Variants in SNUPN observed in about 807,000 individuals in gnomAD.
SNUPN encodes snurportin 1, also known as snurportin-1.
In SNUPN, 31 loss-of-function variants were observed where a neutral mutation model predicts 39.2. That is an observed-to-expected ratio of 0.79 (90% CI 0.59 to 1.07). The LOEUF is 1.07. Among genes scored for constraint, SNUPN ranks in the 50% least tolerant of loss-of-function variants. The probability of loss-of-function intolerance (pLI) is 0.00; values close to 1 mark genes in which losing one functional copy is unlikely to be tolerated. For synonymous variants in SNUPN, 132 were observed against 159.0 expected (o/e 0.83, Z 1.28); for missense variants, 382 against 434.2 (o/e 0.88, Z 1.07).
intron 4 of SNUPN, 87 bp downstream of exon 4, chr15:75,609,803 G>C (rs547770526): frequency 2.4e-6 from 3 of 1,226,200 alleles, no homozygotes; most frequent in Non-Finnish European, 3.6e-6. Flanking sequence ...AGGCACAGCT[G>C]TTGTGGCGTA....
intron 7 of SNUPN, among the ~76,000 whole-genome samples, chr15:75,602,877 G>T (rs1231896745): frequency 2.6e-5 from 4 of 151,974 alleles, no homozygotes; most frequent in Non-Finnish European, 4.4e-5. Context: ...AAAGTGATGG[G>T]ATTATAGGCA....
intron 6 of SNUPN, 109 bp from the exon 7 acceptor site, chr15:75,605,336 T>C (rs912205321): frequency 1.6e-6 from 1 of 636,882 alleles, no homozygotes; most frequent in Non-Finnish European, 2.6e-6. Flanking sequence ...AGATGGAGTG[T>C]TGCTCTGTCA....
intron 2 of SNUPN, among the ~76,000 whole-genome samples, chr15:75,620,284 G>A (rs572806247): frequency 6.6e-6 from 1 of 152,256 alleles, no homozygotes; most frequent in East Asian, 1.9e-4. Context: ...CTTAATTTAT[G>A]ACCCAGAAGA....
intron 7 of SNUPN, among the ~76,000 whole-genome samples, chr15:75,601,756 C>T (rs1199258156): frequency 6.6e-6 from 1 of 151,812 alleles, no homozygotes; most frequent in Non-Finnish European, 1.5e-5. Flanking sequence ...AAAAACCAAA[C>T]CAAACCAAAC....
At chr15:75,619,022 TAA>T (rs35749195) in intron 2 of SNUPN, among the ~76,000 whole-genome samples, 2,557 of 74,266 alleles carry the variant, frequency 0.034, 117 homozygotes, top group African/African-American at 0.054. Flanking sequence ...CTACTTGTGT[TAA>T]AAAAAAAAAA....
intron 5 of SNUPN, among the ~76,000 whole-genome samples, chr15:75,609,194 TTTTTTTG>T (rs1397060889): frequency 7.1e-6 from 1 of 141,034 alleles, no homozygotes; most frequent in Non-Finnish European, 1.6e-5. Flanking sequence ...TTTTTTTTTT[TTTTTTTG>T]AGACGGAGTC....
In SNUPN at chr15:75,607,298, T is replaced by C; in HGVS notation, c.518A>G (p.Asp173Gly). 6.2e-7 allele frequency: 1 copy of C among 1,612,222 alleles called. No individual in the cohort carries two copies. The highest frequency in any genetic ancestry group is 1.1e-5 in the South Asian group (1 of 91,042). The part of the protein sequence containing the change: ...NSTAKDYTIL[D>G]CIYNEVNQTY... Reference sequence around the variant, plus strand: ...CTGGTTTACCTCATTGTAAATGCAATCTAGAATGGTGTAGTCTGAGGACAC... The same window carrying C: ...CTGGTTTACCTCATTGTAAATGCAACCTAGAATGGTGTAGTCTGAGGACAC... The change falls in exon 6 of 9, where the codon GAT becomes GGT. Residue 173 changes from aspartate (D) to glycine (G), a missense_variant. Transcript: ENST00000308588.
intron 2 of SNUPN, among the ~76,000 whole-genome samples, chr15:75,619,361 G>C (rs1893013554): frequency 6.6e-6 from 1 of 152,010 alleles, no homozygotes; most frequent in South Asian, 2.1e-4. Context: ...CTTCGGAAGG[G>C]CCAGGCGTAG....
rs1270643130 is a variant in SNUPN, at chr15:75,598,540, A to G, written c.901T>C (p.Tyr301His). 1 of 1,614,138 alleles carries G rather than the reference A, an allele frequency of 6.2e-7. No individual in the cohort carries two copies. Among genetic ancestry groups the G allele is most frequent in the Non-Finnish European group, 8.5e-7 (1 of 1,180,006 alleles). The change falls in exon 9 of 9, where the codon TAT becomes CAT. Residue 301 changes from tyrosine (Y) to histidine (H), a missense_variant. Physicochemically the swap from Tyr to His is moderately conservative, Grantham distance 83. Transcript: ENST00000308588. Reference protein sequence around the residue: ...PAGPLTTKPDYAGHQLQQIME... With the variant: ...PAGPLTTKPDHAGHQLQQIME... ...ATCTGCTGGAGCTGGTGCCCAGCAT[A>G]GTCTGGCTTGGTGGTCAGCGGGCCA...
chr15:75,626,327 T>G (rs1893227022), upstream of SNUPN: 1 of 152,198 alleles, frequency 6.6e-6, no homozygotes, highest in Admixed American at 6.5e-5. Flanking sequence ...TTGATTCCTA[T>G]TTAAGTAGCC....
intron 3 of SNUPN, among the ~76,000 whole-genome samples, chr15:75,616,600 A>C (rs1169033112): frequency 6.6e-6 from 1 of 152,124 alleles, no homozygotes; most frequent in Non-Finnish European, 1.5e-5. Context: ...CCCAGGAACC[A>C]TATTCTAAAG....
At chr15:75,604,892 T>G (rs2075319475) in intron 7 of SNUPN, among the ~76,000 whole-genome samples, 1 of 152,124 alleles carries the variant, frequency 6.6e-6, no homozygotes, top group Non-Finnish European at 1.5e-5. Flanking sequence ...TTCCCCAGAG[T>G]TCCCAAAGTC....
chr15:75,621,118 GT>G, intron 1 of SNUPN, 62 bp from the exon 2 acceptor site: 1 of 1,498,280 alleles, frequency 6.7e-7, no homozygotes, highest in African/African-American at 1.4e-5. Flanking sequence ...TATACAGACA[GT>G]TATGCAGTTA....
chr15:75,598,501 T>C lies in SNUPN; in HGVS notation c.940A>G (p.Lys314Glu), dbSNP rs141206805. 85 of 1,614,204 alleles carry C rather than the reference T, an allele frequency of 5.3e-5. No individual in the cohort carries two copies. In the African/African-American group the frequency reaches 1.1e-3, roughly 21 times the overall value. ...HQLQQIMEHK[K>E]SQKEGMKEKL... is the part of the protein sequence containing the mutation. Reference sequence around the variant, plus strand: ...TCCTTCATGCCTTCCTTCTGGCTCTTCTTGTGCTCCATAATCTGCTGGAGC... The same window carrying C: ...TCCTTCATGCCTTCCTTCTGGCTCTCCTTGTGCTCCATAATCTGCTGGAGC... Residue 314 changes from lysine (K) to glutamate (E), a missense_variant, in exon 9 of 9, where the codon AAG becomes GAG. Coordinates refer to ENST00000308588, the MANE Select transcript of SNUPN (RefSeq NM_005701.4).
intron 4 of SNUPN, 87 bp from the exon 5 acceptor site, chr15:75,609,738 C>T (rs1892730734): frequency 8.5e-7 from 1 of 1,181,878 alleles, no homozygotes; most frequent in East Asian, 2.3e-5. Context: ...TGTTACTCGA[C>T]CAAAGATGGC....
intron 1 of SNUPN, chr15:75,622,327 T>C (rs1056199150): frequency 8.1e-6 from 8 of 985,336 alleles, no homozygotes; most frequent in Non-Finnish European, 9.6e-6. Context: ...TCAGGGCTAC[T>C]TATGTGGGAC....
intron 7 of SNUPN, among the ~76,000 whole-genome samples, chr15:75,604,859 A>G (rs1470465990): frequency 1.3e-5 from 2 of 152,118 alleles, no homozygotes; most frequent in Non-Finnish European, 2.9e-5. Context: ...ACTGCACCCA[A>G]TTATCCCTCA....
rs534922683 is a variant in SNUPN, at chr15:75,618,171, C to T, written c.159-619G>A. ...TAGCTTCACCCCTACCCCATCCCAC[C>T]CCAGATGAGAGCTGACACCTTCCTG... On this transcript the variant is annotated intron_variant, in intron 2 of 8. Transcript: ENST00000308588. 1.8e-4 allele frequency among the ~76,000 whole-genome samples: 28 copies of T among 152,272 alleles called. 1 individual carries two copies. In the South Asian group the frequency reaches 5.6e-3, roughly 30 times the overall value.
At position 75,609,459 on chromosome 15, in the gene SNUPN, G is replaced by A. The variant is rs889065585; in HGVS notation, c.502+99C>T. The A allele has an allele frequency of 2.9e-5, 25 of 861,358 alleles. No homozygotes were observed. The African/African-American group carries it at 3.5e-4, about 12-fold the overall frequency. The allele number at this position is 861,358 out of a possible 1,614,324, so 53.4% of individuals were successfully genotyped here. A position where few individuals can be genotyped will look rare whatever the true frequency, so the allele number is the denominator to read the frequency against. On this transcript the variant is annotated intron_variant, in intron 5 of 8. Transcript: ENST00000308588. Reference sequence around the variant, plus strand: ...CCGCCTCGGCCTCCCAAAGTGCTGGGATTACAGGCGTGAGCCACCGCGCCC... The same window carrying A: ...CCGCCTCGGCCTCCCAAAGTGCTGGAATTACAGGCGTGAGCCACCGCGCCC...
Sources: gnomAD v4.1 joint callset for allele counts (sites outside exome capture counted in the v4.1 genomes callset) on GRCh38, gnomAD v4.1.1 for gene constraint, MANE v1.5 for transcripts, NCBI Gene and HGNC (gene_info 2026-07-23, HGNC 2026-07-21) for gene names.